Variants in TACC3 observed in about 807,000 individuals in gnomAD.
TACC3 encodes the protein transforming acidic coiled-coil-containing protein 3.
In TACC3, 52 loss-of-function variants were observed where a neutral mutation model predicts 86.0. That is an observed-to-expected ratio of 0.60 (90% CI 0.48 to 0.76). The LOEUF (loss-of-function observed/expected upper bound fraction) is 0.76. Among genes scored for constraint, TACC3 ranks in the 30% least tolerant of loss-of-function variants. The pLI is 0.00. For synonymous variants in TACC3, 512 were observed against 430.0 expected (o/e 1.19, Z -2.36); for missense variants, 1,120 against 1,070.4 (o/e 1.05, Z -0.65).
chr4:1,728,217 C>A lies in TACC3; in HGVS notation c.815C>A (p.Ala272Asp). Reference sequence around the variant, plus strand: ...CCCCTGCAGGGTCTGCCTGGCGAAGCCCTGGGCTGCCCTGCGGGTGTGGGC... The same window carrying A: ...CCCCTGCAGGGTCTGCCTGGCGAAGACCTGGGCTGCCCTGCGGGTGTGGGC... Reference protein sequence around the residue: ...GAPLQGLPGEALGCPAGVGTP... With the variant: ...GAPLQGLPGEDLGCPAGVGTP... Residue 272 changes from alanine to aspartate, a missense_variant, in exon 4 of 16, where the codon GCC becomes GAC. Physicochemically the swap from Ala to Asp is moderately radical, Grantham distance 126. Transcript: ENST00000313288. 1 of 1,612,038 alleles carries A rather than the reference C, an allele frequency of 6.2e-7. No individual in the cohort carries two copies. Among genetic ancestry groups the A allele is most frequent in the Non-Finnish European group, 8.5e-7 (1 of 1,179,694 alleles).
intron 13 of TACC3, 123 bp from the exon 14 acceptor site, chr4:1,744,395 G>A: frequency 1.2e-6 from 1 of 836,094 alleles, no homozygotes; most frequent in East Asian, 2.8e-5. Flanking sequence ...AGGAAAACGG[G>A]AGCTACTGGC....
At position 1,735,951 on chromosome 4, in the gene TACC3, G is replaced by A. The variant is rs1254019865; in HGVS notation, c.1748+117G>A. ...AGACCGGGGGGAGATGATCAGAACTGGAAAGGAGCTGTGCTAGGGGTGGGC... is the reference window on the plus strand; with the variant it reads ...AGACCGGGGGGAGATGATCAGAACTAGAAAGGAGCTGTGCTAGGGGTGGGC... On this transcript the variant is annotated intron_variant, in intron 8 of 15. Transcript: ENST00000313288. The surrounding 1 kb of genome is among the most constrained non-coding windows in gnomAD (Gnocchi z 4.2). 1.3e-6 allele frequency: 1 copy of A among 758,242 alleles called. No homozygotes were observed. Among genetic ancestry groups the A allele is most frequent in the African/African-American group, 1.7e-5 (1 of 57,262 alleles). 47.0% of individuals were successfully genotyped at this position (758,242 alleles called of 1,614,324 possible). A position where few individuals can be genotyped will look rare whatever the true frequency, so the allele number is the denominator to read the frequency against.
chr4:1,731,272 AAG>A lies in TACC3; in HGVS notation c.1565_1566del (p.Glu522GlyfsTer8), dbSNP rs774696291. 2.5e-6 allele frequency: 4 copies of A among 1,613,322 alleles called. No individual in the cohort carries two copies. The highest frequency in any genetic ancestry group is 2.5e-6 in the Non-Finnish European group (3 of 1,180,008). ...CAGGGGCAGCCTGCCTTGGAGCTGA[AAG>A]AGGAGAGCTTCAGAGACCCCGCTGA... On this transcript the variant is annotated frameshift_variant, in exon 6 of 16. Coordinates refer to ENST00000313288, the MANE Select transcript of TACC3 (RefSeq NM_006342.3). LOFTEE classifies it high-confidence loss of function.
rs201463143 is a variant in TACC3 at position 1,740,012 on chromosome 4, C to T, written c.2062+10C>T. 4.8e-5 allele frequency: 77 copies of T among 1,612,830 alleles called. No homozygotes were observed. In the Admixed American group the frequency reaches 7.2e-4, roughly 15 times the overall value. Reference sequence around the variant, plus strand: ...GTGTACCAGGCCATGGGTGAGTGCCCGGGCCACCGAGGCCACGTGCCTCCA... The same window carrying T: ...GTGTACCAGGCCATGGGTGAGTGCCTGGGCCACCGAGGCCACGTGCCTCCA... On this transcript the variant is annotated intron_variant, in intron 12 of 15. Transcript: ENST00000313288.
Position 1,723,871 on chromosome 4 carries a change from G to A in TACC3, c.305+1G>A. ...ACCCGGTCTGGACACAGAAAGAGAA[G>A]TAAGTGTTGGTGCTGCTGGACATGC... On this transcript the variant is annotated splice_donor_variant, in intron 3 of 15. Transcript: ENST00000313288. LOFTEE classifies it high-confidence loss of function. The A allele has an allele frequency of 2.5e-6, 4 of 1,613,084 alleles. No homozygotes were observed. The highest frequency in any genetic ancestry group is 3.4e-6 in the Non-Finnish European group (4 of 1,179,892).
At chr4:1,732,681 C>T (rs1192000584) in intron 6 of TACC3, among the ~76,000 whole-genome samples, 1 of 152,176 alleles carries the variant, frequency 6.6e-6, no homozygotes, top group Admixed American at 6.5e-5. Flanking sequence ...CTGGGATGGG[C>T]CTGTCACCCT....
intron 15 of TACC3, 49 bp downstream of exon 15, chr4:1,744,881 G>C: frequency 2.5e-6 from 4 of 1,612,376 alleles, no homozygotes; most frequent in Admixed American, 1.7e-5. Flanking sequence ...GCACCTTCTA[G>C]AAGGCCCTTG....
rs544910995 is a variant in TACC3, at chr4:1,735,563, G to A, written c.1645-168G>A. ...CTAGCCCAGGATGAAACTCTGACAC[G>A]CTGTGCTGCTGGGAATGGTGGTGTC... On this transcript the variant is annotated intron_variant, in intron 7 of 15. Coordinates refer to ENST00000313288, the MANE Select transcript of TACC3 (RefSeq NM_006342.3). This position sits in a 1 kb window ranked among gnomAD's most constrained non-coding sequence, Gnocchi z 4.2. Among the ~76,000 whole-genome samples the A allele has an allele frequency of 9.2e-5, 14 of 152,150 alleles. No homozygotes were observed. In the South Asian group the frequency reaches 2.7e-3, roughly 29 times the overall value.
Position 1,728,300 on chromosome 4 carries a change from G to C in TACC3, c.898G>C (p.Glu300Gln). The C allele has an allele frequency of 6.2e-7, 1 of 1,612,868 alleles. No individual in the cohort carries two copies. ...TLTCAHTSAP[E>Q]STAPTNHLVA... The stretch of plus-strand genomic sequence containing the variant: ...TACCTGTGCACACACCTCTGCTCCT[G>C]AGAGCACAGCCCCAACCAACCACCT... The change falls in exon 4 of 16, where the codon GAG becomes CAG. Residue 300 changes from glutamate (E) to glutamine (Q), a missense_variant. Coordinates refer to ENST00000313288, the MANE Select transcript of TACC3 (RefSeq NM_006342.3).
rs1717362751 is a variant in TACC3 at position 1,721,594 on chromosome 4, C to G, written c.-51C>G. ...GTGGAGCAGACGCGGACCCCTCCTT[C>G]CTGGCGGCGGCGGCGCGGGCTCAGA... On this transcript the variant is annotated 5_prime_UTR_variant, in exon 1 of 16. Coordinates refer to ENST00000313288, the MANE Select transcript of TACC3 (RefSeq NM_006342.3). The G allele has an allele frequency of 1.3e-5, 2 of 152,538 alleles. No individual in the cohort carries two copies. Among genetic ancestry groups the G allele is most frequent in the African/African-American group, 4.8e-5 (2 of 41,438 alleles). 9.4% of individuals were successfully genotyped at this position (152,538 alleles called of 1,614,324 possible).
chr4:1,736,973 C>T (rs1221762755), intron 8 of TACC3, among the ~76,000 whole-genome samples: 1 of 151,998 alleles, frequency 6.6e-6, no homozygotes, highest in African/African-American at 2.4e-5. Context: ...GCACTGGCTC[C>T]GCTCAGCCTG....
chr4:1,737,521 C>A, intron 9 of TACC3, 77 bp from the exon 10 acceptor site: 1 of 1,254,416 alleles, frequency 8.0e-7, no homozygotes, highest in Non-Finnish European at 1.1e-6. Flanking sequence ...CCTGTGTGGG[C>A]CTTTCCTCCC....
chr4:1,730,232 G>A (rs980028162), intron 4 of TACC3, among the ~76,000 whole-genome samples: 3 of 152,088 alleles, frequency 2.0e-5, no homozygotes, highest in African/African-American at 7.2e-5. Context: ...AGTAGAGACG[G>A]GGTTTCACCG....
chr4:1,729,878 C>T (rs1357047948), intron 4 of TACC3, among the ~76,000 whole-genome samples: 3 of 152,096 alleles, frequency 2.0e-5, no homozygotes, highest in African/African-American at 2.4e-5. Flanking sequence ...AGCTAGGTAA[C>T]GGGTGCCTTC....
At chr4:1,722,548 C>G in intron 1 of TACC3, among the ~76,000 whole-genome samples, 1 of 152,194 alleles carries the variant, frequency 6.6e-6, no homozygotes, top group East Asian at 1.9e-4. Flanking sequence ...CAGCACCGAC[C>G]TGCCGGGGCT....
At chr4:1,740,398 G>T in intron 12 of TACC3, 1 of 355,200 alleles carries the variant, frequency 2.8e-6, no homozygotes, top group Non-Finnish European at 5.2e-6. Context: ...CCTCCCAAAA[G>T]CTTGGGCTCC....
intron 13 of TACC3, among the ~76,000 whole-genome samples, chr4:1,742,676 G>A (rs911538873): frequency 6.6e-6 from 1 of 152,120 alleles, no homozygotes; most frequent in Non-Finnish European, 1.5e-5. Context: ...GCATTTGCCT[G>A]TAGTCCCAGC....
intron 9 of TACC3, 81 bp downstream of exon 9, chr4:1,737,409 C>A: frequency 2.1e-6 from 3 of 1,401,160 alleles, no homozygotes; most frequent in South Asian, 2.4e-5. Flanking sequence ...ATTTTCTATT[C>A]CTGGGGGTCT....
chr4:1,722,363 G>A (rs755207312), intron 1 of TACC3, among the ~76,000 whole-genome samples: 8 of 152,210 alleles, frequency 5.3e-5, no homozygotes, highest in Non-Finnish European at 1.0e-4. Flanking sequence ...CCTGTACCCA[G>A]TTATTCAGGG....
Sources: allele counts gnomAD v4.1 joint callset (sites outside exome capture counted in the v4.1 genomes callset), GRCh38; gene constraint gnomAD v4.1.1; non-coding constraint Gnocchi (gnomAD v3.1); transcripts MANE v1.5; gene names NCBI Gene and HGNC (gene_info 2026-07-23, HGNC 2026-07-21).